WDFY4: variants seen among roughly 807,000 people sequenced by gnomAD.
The protein encoded by WDFY4 is WDFY family member 4, also known as WD repeat- and FYVE domain-containing protein 4.
WDFY4 carries 169 observed loss-of-function variants against 351.9 expected under a neutral mutation model. That is an observed-to-expected ratio of 0.48 (90% confidence interval 0.42 to 0.55). The LOEUF (loss-of-function observed/expected upper bound fraction) is 0.55. Ranked by LOEUF, WDFY4 falls within the 20% of genes least tolerant of loss-of-function variation. The pLI is 0.00. For missense variants in WDFY4, 3,803 were observed against 3,935.6 expected (o/e 0.97, Z 0.90); for synonymous variants, 1,622 against 1,574.6 (o/e 1.03, Z -0.71).
At chr10:48,818,888 A>G (rs1043402540) in intron 32 of WDFY4, among the ~76,000 whole-genome samples, 1 of 152,236 alleles carries the variant, frequency 6.6e-6, no homozygotes, top group Non-Finnish European at 1.5e-5. Flanking sequence ...CCAGAGGCGC[A>G]GGCAGCCTGG....
At chr10:48,840,425 T>TAC (rs10637501) in intron 39 of WDFY4, among the ~76,000 whole-genome samples, 9,979 of 145,474 alleles carry the variant, frequency 0.069, 376 homozygotes, top group Middle Eastern at 0.086. Flanking sequence ...CACATACACA[T>TAC]ACACACACAC....
intron 13 of WDFY4, among the ~76,000 whole-genome samples, chr10:48,762,319 G>A (rs144780034): frequency 1.4e-4 from 22 of 152,352 alleles, no homozygotes; most frequent in Non-Finnish European, 3.1e-4. Context: ...GCCTGACCCA[G>A]TTTCATGTCT....
Position 48,964,021 on chromosome 10 carries a change from G to A in WDFY4, c.8403G>A (p.Gly2801=), listed in dbSNP as rs1302602849. Residue 2801 remains glycine, a synonymous_variant, in exon 54 of 62, where the codon GGG becomes GGA. Coordinates refer to ENST00000325239, the MANE Select transcript of WDFY4 (RefSeq NM_001394531.1). ...CCCTCATCAAAAGCACCATCCTGGG[G>A]TTTGTCAGCAACTTTGGACAGGTGC... ...TDPLIKSTIL[G]FVSNFGQVPK... 2 of 1,550,018 alleles carry A rather than the reference G, an allele frequency of 1.3e-6. No homozygotes were observed. Among genetic ancestry groups the A allele is most frequent in the Admixed American group, 2.0e-5 (1 of 50,978 alleles).
At chr10:48,832,543 C>G (rs1270899162) in intron 38 of WDFY4, 30 bp from the exon 39 acceptor site, 3 of 1,517,660 alleles carry the variant, frequency 2.0e-6, no homozygotes, top group African/African-American at 2.8e-5. Flanking sequence ...CTCACTTCAC[C>G]TCTGACATTC....
In WDFY4 at chr10:48,957,298, G is replaced by C. The variant is rs921176484; in HGVS notation, c.8131+16G>C. ...GTAGAGTTCGGTAAGTGGAGGCCTG[G>C]TGAGGCCGGGTGAGTGGCGTTGCAG... On this transcript the variant is annotated intron_variant, in intron 52 of 61. Coordinates refer to ENST00000325239, the MANE Select transcript of WDFY4 (RefSeq NM_001394531.1). The C allele has an allele frequency of 1.3e-6, 2 of 1,545,946 alleles. No homozygotes were observed. Among genetic ancestry groups the C allele is most frequent in the African/African-American group, 2.7e-5 (2 of 72,948 alleles).
chr10:48,707,289 G>A (rs966969568), intron 1 of WDFY4, among the ~76,000 whole-genome samples: 3 of 152,164 alleles, frequency 2.0e-5, no homozygotes, highest in Non-Finnish European at 2.9e-5. Flanking sequence ...GTGGTAATGA[G>A]GTCACTGAAG....
chr10:48,946,766 T>A (rs1841063580), intron 50 of WDFY4, 94 bp from the exon 51 acceptor site: 2 of 916,854 alleles, frequency 2.2e-6, no homozygotes, highest in Admixed American at 4.4e-5. Context: ...AATATATGTT[T>A]TTAATGCCGT....
intron 35 of WDFY4, among the ~76,000 whole-genome samples, chr10:48,825,521 T>TAAGG (rs2067963454): frequency 6.6e-6 from 1 of 152,236 alleles, no homozygotes; most frequent in African/African-American, 2.4e-5. Flanking sequence ...TCTAGATCTT[T>TAAGG]AAGGAATCAC....
At chr10:48,751,353 T>G (rs530358631) in intron 12 of WDFY4, among the ~76,000 whole-genome samples, 20 of 152,226 alleles carry the variant, frequency 1.3e-4, no homozygotes, top group Non-Finnish European at 2.5e-4. Flanking sequence ...CTGCCTTCTG[T>G]AGGCATTGCT....
intron 1 of WDFY4, among the ~76,000 whole-genome samples, chr10:48,695,466 C>T (rs1313800371): frequency 6.6e-6 from 1 of 152,236 alleles, no homozygotes; most frequent in Admixed American, 6.5e-5. Context: ...GACCTTGATT[C>T]TGATGCTTGT....
chr10:48,916,053 G>A (rs759884260), intron 47 of WDFY4, among the ~76,000 whole-genome samples: 8 of 152,226 alleles, frequency 5.3e-5, no homozygotes, highest in Non-Finnish European at 1.0e-4. Context: ...ACTCCTGAAA[G>A]CAAGTAAAGC....
chr10:48,900,313 G>C lies in WDFY4; in HGVS notation c.7523+7G>C. The C allele has an allele frequency of 6.5e-7, 1 of 1,549,906 alleles. No homozygotes were observed. The highest frequency in any genetic ancestry group is 8.7e-7 in the Non-Finnish European group (1 of 1,145,934). On this transcript the variant is annotated splice_region_variant and intron_variant, in intron 46 of 61. Transcript: ENST00000325239. Reference sequence around the variant, plus strand: ...GGAGTAAGGCCTTTAAAAGGTAAGAGCTTGAAAATCCTCCTTCTGAGGAAA... The same window carrying C: ...GGAGTAAGGCCTTTAAAAGGTAAGACCTTGAAAATCCTCCTTCTGAGGAAA...
rs533328659 is a variant in WDFY4 at position 48,810,514 on chromosome 10, A to G, written c.4839-16A>G. ...CATGGACTGAGAGAACATTGGTTGC[A>G]TTTATTAATCCCCAGGTCAAAGGAA... On this transcript the variant is annotated splice_polypyrimidine_tract_variant and intron_variant, in intron 28 of 61. Coordinates refer to ENST00000325239, the MANE Select transcript of WDFY4 (RefSeq NM_001394531.1). 3 of 1,546,968 alleles carry G rather than the reference A, an allele frequency of 1.9e-6. No homozygotes were observed. The highest frequency in any genetic ancestry group is 2.0e-5 in the Admixed American group (1 of 49,840).
chr10:48,900,412 G>A, intron 46 of WDFY4, 106 bp downstream of exon 46: 1 of 1,059,378 alleles, frequency 9.4e-7, no homozygotes. Flanking sequence ...TCAACCCACA[G>A]TGAACGCCAC....
rs1453920664 is a variant in WDFY4 at position 48,733,947 on chromosome 10, T to C, written c.1599T>C (p.Thr533=). The C allele has an allele frequency of 6.4e-7, 1 of 1,551,628 alleles. No homozygotes were observed. Among genetic ancestry groups the C allele is most frequent in the Non-Finnish European group, 8.7e-7 (1 of 1,146,998 alleles). ...IMRKSGNKVS[T]PGVQDPEREL... The stretch of plus-strand genomic sequence containing the variant: ...ATATGGCAGGAAACAAAGTGTCCAC[T>C]CCTGGTGTTCAGGATCCAGAAAGAG... The change falls in exon 10 of 62, where the codon ACT becomes ACC. Residue 533 remains threonine (T), a synonymous_variant. Transcript: ENST00000325239.
intron 43 of WDFY4, among the ~76,000 whole-genome samples, chr10:48,882,998 G>A (rs954176230): frequency 3.3e-5 from 5 of 152,124 alleles, no homozygotes; most frequent in African/African-American, 9.7e-5. Flanking sequence ...ATGTGTTTTC[G>A]TTCCCTCTCT....
At chr10:48,982,344 C>G (rs993230565) in intron 61 of WDFY4, among the ~76,000 whole-genome samples, 165 bp from the exon 62 acceptor site, 2 of 152,130 alleles carry the variant, frequency 1.3e-5, no homozygotes, top group Non-Finnish European at 2.9e-5. Flanking sequence ...CAGGTGGAAA[C>G]CTTCTCCATT....
At chr10:48,919,043 A>G (rs1230548880) in intron 47 of WDFY4, among the ~76,000 whole-genome samples, 1 of 152,222 alleles carries the variant, frequency 6.6e-6, no homozygotes. Context: ...TACATATGGA[A>G]TATCCACTAA....
rs1354853943 is a variant in WDFY4 at position 48,786,860 on chromosome 10, G to C, written c.3798G>C (p.Val1266=). Reference sequence around the variant, plus strand: ...GATATTGTGGTAACTTCCAAGCTGTGCATGTCCAAGGTATGGAGTGTTTTG... The same window carrying C: ...GATATTGTGGTAACTTCCAAGCTGTCCATGTCCAAGGTATGGAGTGTTTTG... The part of the protein sequence containing the change: ...GPRYCGNFQA[V]HVQGEDLDSE... Residue 1266 remains valine (V), a synonymous_variant, in exon 20 of 62, where the codon GTG becomes GTC. Coordinates refer to ENST00000325239, the MANE Select transcript of WDFY4 (RefSeq NM_001394531.1). 2 of 1,551,742 alleles carry C rather than the reference G, an allele frequency of 1.3e-6. No homozygotes were observed. The highest frequency in any genetic ancestry group is 1.7e-6 in the Non-Finnish European group (2 of 1,146,954).
Sources: gnomAD v4.1 joint callset for allele counts (sites outside exome capture counted in the v4.1 genomes callset) on GRCh38, gnomAD v4.1.1 for gene constraint, MANE v1.5 for transcripts, NCBI Gene and HGNC (gene_info 2026-07-23, HGNC 2026-07-21) for gene names.